Variants in ANKS1B observed in about 807,000 individuals in gnomAD.
The protein encoded by ANKS1B is ankyrin repeat and sterile alpha motif domain-containing protein 1B.
A neutral mutation model predicts 148.3 loss-of-function variants in ANKS1B; 36 were observed. The ratio of observed to expected loss-of-function variants is 0.24; its 90% CI spans 0.19 to 0.32. ANKS1B has a LOEUF of 0.32. Ranked by LOEUF, ANKS1B falls within the 10% of genes least tolerant of loss-of-function variation. The pLI, the probability that ANKS1B is intolerant of heterozygous loss-of-function variation, is 1.00. For synonymous variants in ANKS1B, 542 were observed against 560.8 expected (o/e 0.97, Z 0.47); for missense variants, 1,157 against 1,542.6 (o/e 0.75, Z 4.19).
At chr12:99,863,863 A>G (rs755463741) in intron 1 of ANKS1B, among the ~76,000 whole-genome samples, 4 of 152,022 alleles carry the variant, frequency 2.6e-5, no homozygotes, top group Non-Finnish European at 5.9e-5. Flanking sequence ...CAAGGTCAGG[A>G]GATAGAAACT....
chr12:99,306,641 T>C (rs1251699671), intron 12 of ANKS1B, among the ~76,000 whole-genome samples: 1 of 152,122 alleles, frequency 6.6e-6, no homozygotes, highest in Non-Finnish European at 1.5e-5. Flanking sequence ...AATAAATATG[T>C]GCTAAGCAGG....
chr12:99,493,321 T>C (rs2152974063), intron 10 of ANKS1B, among the ~76,000 whole-genome samples: 1 of 152,346 alleles, frequency 6.6e-6, no homozygotes, highest in African/African-American at 2.4e-5. Flanking sequence ...TTGACTGCAA[T>C]GTGAATAATA....
rs115397349 is a variant in ANKS1B at position 99,202,172 on chromosome 12, T to C, written c.2419+42170A>G. Among the ~76,000 whole-genome samples the C allele has an allele frequency of 8.6e-3, 1,315 of 152,354 alleles. 23 individuals carry two copies. The highest frequency in any genetic ancestry group is 0.03 in the African/African-American group (1,261 of 41,576). On this transcript the variant is annotated intron_variant, in intron 14 of 26. Transcript: ENST00000683438. ...GTTAAGCTTCGGCTTTCTCTTTCTA[T>C]TTCCTCTTCTGCCTTTCTGCTGTGA... is the stretch of plus-strand genomic sequence containing the variant.
intron 11 of ANKS1B, among the ~76,000 whole-genome samples, chr12:99,435,876 A>T (rs2095451593): frequency 6.6e-6 from 1 of 152,060 alleles, no homozygotes; most frequent in African/African-American, 2.4e-5. Flanking sequence ...GTATTTTTTT[A>T]AAAAGCTTCC....
chr12:98,884,565 C>A (rs997820144), intron 17 of ANKS1B, among the ~76,000 whole-genome samples: 1 of 151,152 alleles, frequency 6.6e-6, no homozygotes, highest in Non-Finnish European at 1.5e-5. Flanking sequence ...TTTGGGAGGC[C>A]GAGGCGGGTG....
intron 17 of ANKS1B, among the ~76,000 whole-genome samples, chr12:98,843,624 G>A (rs2099423617): frequency 6.6e-6 from 1 of 152,224 alleles, no homozygotes; most frequent in Non-Finnish European, 1.5e-5. Flanking sequence ...CCCATGAAGA[G>A]TCAATGAAAT....
intron 17 of ANKS1B, among the ~76,000 whole-genome samples, chr12:98,845,977 T>C (rs200472716): frequency 0.23 from 14,453 of 62,676 alleles, 2,235 homozygotes; most frequent in African/African-American, 0.39. Context: ...TATATATATA[T>C]ATACACACAC....
At chr12:99,959,743 T>C (rs1566086958) in intron 1 of ANKS1B, among the ~76,000 whole-genome samples, 1 of 152,182 alleles carries the variant, frequency 6.6e-6, no homozygotes, top group African/African-American at 2.4e-5. Context: ...ACATTAGTCA[T>C]AGTTGACACT....
intron 12 of ANKS1B, among the ~76,000 whole-genome samples, chr12:99,289,308 T>C (rs773528566): frequency 2.6e-5 from 4 of 151,966 alleles, no homozygotes; most frequent in Admixed American, 6.6e-5. Context: ...CAGATCCCAA[T>C]ACAATAACAG....
intron 16 of ANKS1B, among the ~76,000 whole-genome samples, chr12:99,065,638 C>CCATCCATCCCAT (rs1379959845): frequency 2.6e-4 from 11 of 41,894 alleles, no homozygotes; most frequent in Non-Finnish European, 4.8e-4. Flanking sequence ...ATCCATCCAT[C>CCATCCATCCCAT]CCATCCATCC....
intron 17 of ANKS1B, among the ~76,000 whole-genome samples, chr12:98,951,359 A>G (rs12307343): frequency 0.17 from 25,218 of 152,136 alleles, 2,959 homozygotes; most frequent in African/African-American, 0.31. Context: ...CAGTTTTCAT[A>G]GAACACTGCT....
chr12:99,900,496 A>C (rs2093558511), intron 1 of ANKS1B, among the ~76,000 whole-genome samples: 1 of 117,684 alleles, frequency 8.5e-6, no homozygotes, highest in African/African-American at 3.6e-5. Context: ...ACAGAGTGAG[A>C]CTCCATCTCA....
At chr12:99,517,563 C>CAA (rs67889061) in intron 9 of ANKS1B, among the ~76,000 whole-genome samples, 1,268 of 124,294 alleles carry the variant, frequency 0.01, 14 homozygotes, top group Non-Finnish European at 0.016. Flanking sequence ...AGTAAAAATA[C>CAA]AAAAAAAAAA....
chr12:98,787,375 C>G (rs1228849889), intron 22 of ANKS1B, among the ~76,000 whole-genome samples: 12 of 152,294 alleles, frequency 7.9e-5, no homozygotes, highest in African/African-American at 2.9e-4. Flanking sequence ...TGCCCTGGGT[C>G]TCAGCGTGGT....
At chr12:99,650,136 CTTTAACTTTCCCTTAACTTTATATTT>C (rs1032242515) in intron 9 of ANKS1B, 1 of 152,186 alleles carries the variant, frequency 6.6e-6, no homozygotes, top group African/African-American at 2.4e-5. Flanking sequence ...TGAAAACTAT[CTTTAACTTTCCCTTAACTTTATATTT>C]TTTAAATAAA....
chr12:99,471,061 T>A (rs2096234186), intron 10 of ANKS1B, among the ~76,000 whole-genome samples: 1 of 152,124 alleles, frequency 6.6e-6, no homozygotes, highest in Non-Finnish European at 1.5e-5. Context: ...TTCATATGCG[T>A]TCATAAATCA....
chr12:99,312,103 G>A (rs1300739794), intron 12 of ANKS1B, among the ~76,000 whole-genome samples: 5 of 152,170 alleles, frequency 3.3e-5, no homozygotes, highest in Non-Finnish European at 7.4e-5. Flanking sequence ...TTTGTAGGCA[G>A]AAAGCTATCT....
chr12:99,458,125 C>G (rs552819787), intron 10 of ANKS1B, among the ~76,000 whole-genome samples: 1 of 151,968 alleles, frequency 6.6e-6, no homozygotes, highest in African/African-American at 2.4e-5. Flanking sequence ...CAAAAGAAAC[C>G]CTGAAAACCA....
At chr12:98,947,224 G>C (rs1403793648) in intron 17 of ANKS1B, among the ~76,000 whole-genome samples, 1 of 152,150 alleles carries the variant, frequency 6.6e-6, no homozygotes, top group Non-Finnish European at 1.5e-5. Flanking sequence ...GAAGGCTTTT[G>C]AGTAGAGTGA....
Sources: allele counts gnomAD v4.1 joint callset (sites outside exome capture counted in the v4.1 genomes callset), GRCh38; gene constraint gnomAD v4.1.1; transcripts MANE v1.5; gene names NCBI Gene and HGNC (gene_info 2026-07-23, HGNC 2026-07-21).